The following UNKL variants were observed in gnomAD, a reference collection of about 807,000 sequenced individuals.
UNKL encodes the protein unk like zinc finger, also known as putative E3 ubiquitin-protein ligase UNKL.
In UNKL, 60 loss-of-function variants were observed where a neutral mutation model predicts 78.0. The observed-to-expected ratio is 0.77, with a 90% CI of 0.63 to 0.95. The LOEUF (loss-of-function observed/expected upper bound fraction) is 0.95, where lower values mean the gene tolerates loss of function less well. Ranked by LOEUF, UNKL falls within the 40% of genes least tolerant of loss-of-function variation. The pLI, the probability that UNKL is intolerant of heterozygous loss-of-function variation, is 0.00. For missense variants in UNKL, 1,159 were observed against 1,045.7 expected, an observed-to-expected ratio of 1.11 and a Z score of -1.49; for synonymous variants, 608 against 474.8, an observed-to-expected ratio of 1.28 and a Z score of -3.65.
chr16:1,379,734 T>C, intron 10 of UNKL: 2 of 943,718 alleles, frequency 2.1e-6, no homozygotes, highest in Non-Finnish European at 2.5e-6. Context: ...GCAACGTGAC[T>C]CGGCCCCGCC....
chr16:1,379,808 C>A (rs1330998735), intron 10 of UNKL: 12 of 686,618 alleles, frequency 1.7e-5, no homozygotes, highest in Non-Finnish European at 2.0e-5. Context: ...CTCGGGCGCA[C>A]CCGGTCCCCG....
intron 9 of UNKL, among the ~76,000 whole-genome samples, chr16:1,386,973 TG>T (rs1397255158): frequency 2.0e-5 from 3 of 152,160 alleles, no homozygotes; most frequent in African/African-American, 7.2e-5. Context: ...TTCCTCTCCC[TG>T]GCCCAGAGAC....
At chr16:1,366,914 G>A (rs899378375) in intron 14 of UNKL, among the ~76,000 whole-genome samples, 178 bp downstream of exon 14, 1 of 152,182 alleles carries the variant, frequency 6.6e-6, no homozygotes, top group Non-Finnish European at 1.5e-5. Flanking sequence ...CAGGGAGACA[G>A]GCAAGGAGGC....
chr16:1,391,150 CA>C (rs1216937897), intron 8 of UNKL, among the ~76,000 whole-genome samples: 1 of 125,762 alleles, frequency 8.0e-6, no homozygotes, highest in African/African-American at 3.1e-5. Flanking sequence ...ACTCTGTCTC[CA>C]AAAAAAAATA....
chr16:1,385,853 C>G (rs1426795991), intron 9 of UNKL, among the ~76,000 whole-genome samples: 1 of 152,216 alleles, frequency 6.6e-6, no homozygotes, highest in Non-Finnish European at 1.5e-5. Flanking sequence ...CTCCCAGGGA[C>G]TTAAAAAGAG....
Position 1,366,244 on chromosome 16 carries a change from C to T in UNKL, c.2198G>A (p.Trp733Ter), listed in dbSNP as rs775543134. Reference protein sequence around the residue: ...CPYCKGQPLQW With the variant: ...CPYCKGQPLQ ...AGGTGGCTGTCCCCGCTGAGGTCAC[C>T]ACTGCAGGGGCTGGCCCTTGCAGTA... The change falls in exon 15 of 15, where the codon TGG (tryptophan) becomes TAG (stop). Residue 733 changes from tryptophan to a stop codon, truncating the protein, a stop_gained. Transcript: ENST00000389221. LOFTEE classifies it high-confidence loss of function. The T allele has an allele frequency of 6.4e-6, 10 of 1,562,974 alleles. No individual in the cohort carries two copies. In the South Asian group the frequency reaches 1.1e-4, roughly 16 times the overall value.
intron 4 of UNKL, 161 bp downstream of exon 4, chr16:1,401,407 C>T: frequency 3.2e-6 from 3 of 934,114 alleles, no homozygotes; most frequent in Non-Finnish European, 4.3e-6. Context: ...GCACCCACCC[C>T]CTGTTGGGGA....
intron 8 of UNKL, among the ~76,000 whole-genome samples, chr16:1,392,460 G>T (rs940584827): frequency 4.0e-5 from 6 of 151,454 alleles, no homozygotes; most frequent in East Asian, 1.9e-4. Context: ...TTTGAGATGG[G>T]GTCTTATTCT....
At chr16:1,406,260 C>T (rs758206273) in intron 2 of UNKL, among the ~76,000 whole-genome samples, 30 of 151,804 alleles carry the variant, frequency 2.0e-4, no homozygotes, top group Non-Finnish European at 3.5e-4. Flanking sequence ...TTGCCCAGGC[C>T]GGAGTGCAGT....
intron 9 of UNKL, 146 bp from the exon 10 acceptor site, chr16:1,385,531 G>A: frequency 1.3e-6 from 1 of 775,558 alleles, no homozygotes; most frequent in Non-Finnish European, 1.8e-6. Context: ...GACCCGGAGG[G>A]ACTCTGACCG....
chr16:1,375,388 C>T (rs1041141612), intron 10 of UNKL, among the ~76,000 whole-genome samples: 1 of 152,214 alleles, frequency 6.6e-6, no homozygotes, highest in Non-Finnish European at 1.5e-5. Flanking sequence ...CCCACTCCAC[C>T]GCACAGCACG....
At position 1,367,642 on chromosome 16, in the gene UNKL, C is replaced by A. The variant is rs1301202402; in HGVS notation, c.1788+14G>T. The A allele has an allele frequency of 1.3e-6, 2 of 1,515,442 alleles. No homozygotes were observed. Among genetic ancestry groups the A allele is most frequent in the East Asian group, 6.0e-5 (2 of 33,578 alleles). The allele number at this position is 1,515,442 out of a possible 1,614,324, so 93.9% of individuals were successfully genotyped here. A position where few individuals can be genotyped will look rare whatever the true frequency, so the allele number is the denominator to read the frequency against. On this transcript the variant is annotated intron_variant, in intron 13 of 14. Coordinates refer to ENST00000389221, the MANE Select transcript of UNKL (RefSeq NM_001372107.1). ...TCCCTCCCCCTCACCTGTCTGGCCC[C>A]CCCACACACTCACCTGCTTCACCTG... is the stretch of plus-strand genomic sequence containing the variant.
chr16:1,406,486 T>A (rs946944985), intron 2 of UNKL, among the ~76,000 whole-genome samples: 2 of 152,148 alleles, frequency 1.3e-5, no homozygotes, highest in South Asian at 4.1e-4. Context: ...GTGCTGGGAT[T>A]ACAGGCGTGA....
At chr16:1,394,337 G>A (rs575841436) in intron 6 of UNKL, 122 bp from the exon 7 acceptor site, 19 of 1,194,962 alleles carry the variant, frequency 1.6e-5, no homozygotes, top group African/African-American at 3.0e-5. Flanking sequence ...CCCCTGAAAA[G>A]GGGGGCGTGG....
chr16:1,401,936 C>T (rs1330782505), intron 3 of UNKL, among the ~76,000 whole-genome samples: 3 of 152,172 alleles, frequency 2.0e-5, no homozygotes, highest in Non-Finnish European at 2.9e-5. Context: ...CTGGCTCTGT[C>T]CCCCAGGCTG....
chr16:1,371,569 G>C lies in UNKL; in HGVS notation c.1307C>G (p.Ser436Cys). The C allele has an allele frequency of 6.5e-7, 1 of 1,536,182 alleles. No individual in the cohort carries two copies. The highest frequency in any genetic ancestry group is 8.7e-7 in the Non-Finnish European group (1 of 1,146,912). The change falls in exon 11 of 15, where the codon TCC becomes TGC. Residue 436 changes from serine (S) to cysteine (C), a missense_variant. Coordinates refer to ENST00000389221, the MANE Select transcript of UNKL (RefSeq NM_001372107.1). ...DLHLSNVNIA[S>C]LEKDLEEQDG... The stretch of plus-strand genomic sequence containing the variant: ...TTGCTCTTCCAGGTCCTTCTCTAGG[G>C]ATGCAATATTCACATTGCTAAGATG...
At chr16:1,386,115 G>C (rs768197555) in intron 9 of UNKL, among the ~76,000 whole-genome samples, 2 of 152,224 alleles carry the variant, frequency 1.3e-5, no homozygotes, top group African/African-American at 2.4e-5. Flanking sequence ...AGCTGGATTA[G>C]AATGAGTTTC....
chr16:1,366,119 G>A lies in UNKL; in HGVS notation c.*121C>T. 1 of 1,244,414 alleles carries A rather than the reference G, an allele frequency of 8.0e-7. No homozygotes were observed. Among genetic ancestry groups the A allele is most frequent in the South Asian group, 1.9e-5 (1 of 52,648 alleles). The allele number at this position is 1,244,414 out of a possible 1,614,324, so 77.1% of individuals were successfully genotyped here. On this transcript the variant is annotated 3_prime_UTR_variant, in exon 15 of 15. Coordinates refer to ENST00000389221, the MANE Select transcript of UNKL (RefSeq NM_001372107.1). ...CCCAGCCTCATGATAACGTGTAACA[G>A]GAAGGGCTCCCAGCCTCGGTCCTCA...
At position 1,413,907 on chromosome 16, in the gene UNKL, T is replaced by C; in HGVS notation, c.226A>G (p.Ser76Gly). The change falls in exon 2 of 15, where the codon AGC (serine) becomes GGC (glycine). Residue 76 changes from serine to glycine, a missense_variant. Physicochemically the swap from Ser to Gly is moderately conservative, Grantham distance 56. Transcript: ENST00000389221. Reference sequence around the variant, plus strand: ...TACTTGGAGCAGTACACGTCGGGGCTGTAGTTGAAGGTGCCGTCGCGCCTG... The same window carrying C: ...TACTTGGAGCAGTACACGTCGGGGCCGTAGTTGAAGGTGCCGTCGCGCCTG... ...LRRRDGTFNY[S>G]PDVYCSKYNE... The C allele has an allele frequency of 6.4e-7, 1 of 1,558,964 alleles. No homozygotes were observed. The highest frequency in any genetic ancestry group is 8.7e-7 in the Non-Finnish European group (1 of 1,151,616).
Sources: allele counts gnomAD v4.1 joint callset (sites outside exome capture counted in the v4.1 genomes callset), GRCh38; gene constraint gnomAD v4.1.1; transcripts MANE v1.5; gene names NCBI Gene and HGNC (gene_info 2026-07-23, HGNC 2026-07-21).